BMP2K: variants seen among roughly 807,000 people sequenced by gnomAD.
BMP2K encodes BMP-2-inducible protein kinase.
A neutral mutation model predicts 116.0 loss-of-function variants in BMP2K; 74 were observed. The ratio of observed to expected loss-of-function variants is 0.64; its 90% CI spans 0.53 to 0.77. BMP2K has a LOEUF of 0.77. Ranked by LOEUF, BMP2K falls within the 30% of genes least tolerant of loss-of-function variation. The pLI, the probability that BMP2K is intolerant of heterozygous loss-of-function variation, is 0.00. For missense variants in BMP2K, 1,365 were observed against 1,403.6 expected (o/e 0.97, Z 0.44); for synonymous variants, 486 against 502.5 (o/e 0.97, Z 0.44).
chr4:78,808,289 T>TGA (rs1439988173), intron 1 of BMP2K, among the ~76,000 whole-genome samples: 1 of 143,938 alleles, frequency 6.9e-6, no homozygotes, highest in African/African-American at 2.6e-5. Flanking sequence ...TTTTTGAGAC[T>TGA]GAGTCTCGCT....
chr4:78,856,510 A>AT (rs529553257), intron 7 of BMP2K, among the ~76,000 whole-genome samples: 73 of 151,950 alleles, frequency 4.8e-4, no homozygotes, highest in African/African-American at 1.6e-3. Flanking sequence ...TGCCTTATTG[A>AT]TTTTTTTTCC....
At chr4:78,834,130 G>C (rs1730341194) in intron 3 of BMP2K, among the ~76,000 whole-genome samples, 1 of 151,674 alleles carries the variant, frequency 6.6e-6, no homozygotes, top group African/African-American at 2.4e-5. Context: ...GTAGTCTCTT[G>C]GTGGTGTTTG....
chr4:78,861,431 A>G lies in BMP2K; in HGVS notation c.1030A>G (p.Ser344Gly). 1 of 1,609,508 alleles carries G rather than the reference A, an allele frequency of 6.2e-7. No individual in the cohort carries two copies. ...AGCTCTTCCTGAACCGATGACTGCT[A>G]GTGAAGCAGCTGCTAGGAAAAGCCA... ...PSALPEPMTASEAAARKSQIK... is the reference protein window; with the variant it reads ...PSALPEPMTAGEAAARKSQIK... Residue 344 changes from serine to glycine, a missense_variant, in exon 9 of 16, where the codon AGT becomes GGT. Ser to Gly is a moderately conservative substitution (Grantham distance 56). Coordinates refer to ENST00000502613, the MANE Select transcript of BMP2K (RefSeq NM_198892.2).
chr4:78,842,430 T>G lies in BMP2K; in HGVS notation c.449T>G (p.Phe150Cys). The change falls in exon 4 of 16, where the codon TTT becomes TGT. Residue 150 changes from phenylalanine (F) to cysteine (C), a missense_variant. Coordinates refer to ENST00000502613, the MANE Select transcript of BMP2K (RefSeq NM_198892.2). ...NQMNKKLQTGFTEPEVLQIFC... is the reference protein window; with the variant it reads ...NQMNKKLQTGCTEPEVLQIFC... The stretch of plus-strand genomic sequence containing the variant: ...ATGAATAAGAAGCTACAGACGGGTT[T>G]TACAGAACCAGAAGTGTTACAGATA... The G allele has an allele frequency of 2.5e-6, 4 of 1,607,660 alleles. No homozygotes were observed. Among genetic ancestry groups the G allele is most frequent in the Non-Finnish European group, 3.4e-6 (4 of 1,175,486 alleles).
At chr4:78,828,396 T>G (rs978392726) in intron 2 of BMP2K, among the ~76,000 whole-genome samples, 2 of 152,216 alleles carry the variant, frequency 1.3e-5, no homozygotes, top group Non-Finnish European at 2.9e-5. Flanking sequence ...AACCCTCACA[T>G]ATTCAGCTAT....
At chr4:78,831,917 G>C (rs1730225576) in intron 2 of BMP2K, among the ~76,000 whole-genome samples, 1 of 151,780 alleles carries the variant, frequency 6.6e-6, no homozygotes, top group Non-Finnish European at 1.5e-5. Context: ...CTTTCTCCAT[G>C]GTTTTTTGAG....
intron 12 of BMP2K, chr4:78,872,180 AT>A: frequency 2.5e-6 from 1 of 399,196 alleles, no homozygotes. Context: ...ATGTCATTAT[AT>A]AAGGGAAATG....
chr4:78,823,038 A>G (rs947263101), intron 1 of BMP2K, among the ~76,000 whole-genome samples: 6 of 152,108 alleles, frequency 3.9e-5, no homozygotes, highest in Non-Finnish European at 5.9e-5. Context: ...ATAAACATTT[A>G]TTACATTTTA....
chr4:78,797,952 C>A (rs1333814613), intron 1 of BMP2K, among the ~76,000 whole-genome samples: 1 of 152,016 alleles, frequency 6.6e-6, no homozygotes, highest in African/African-American at 2.4e-5. Context: ...TCATTTGGGA[C>A]CACAGGTGTG....
Position 78,844,909 on chromosome 4 carries a change from TTGA to T in BMP2K, c.547-17_547-15del, listed in dbSNP as rs1730926911. ...TTCACTTTGAAAATACTACTCATTATTGATTTTCTTTTCTTAAGGTAGAAAATA... is the reference window on the plus strand; with the variant it reads ...TTCACTTTGAAAATACTACTCATTATTTTTCTTTTCTTAAGGTAGAAAATA... On this transcript the variant is annotated splice_polypyrimidine_tract_variant and intron_variant, in intron 4 of 15. Coordinates refer to ENST00000502613, the MANE Select transcript of BMP2K (RefSeq NM_198892.2). The T allele has an allele frequency of 1.9e-6, 3 of 1,573,732 alleles. No homozygotes were observed. In the South Asian group the frequency reaches 3.4e-5, roughly 18 times the overall value.
intron 14 of BMP2K, among the ~76,000 whole-genome samples, chr4:78,885,452 A>C (rs1490376504): frequency 1.3e-5 from 2 of 152,184 alleles, no homozygotes; most frequent in South Asian, 2.1e-4. Context: ...TCTACATTTT[A>C]ACAAATCCCC....
Position 78,911,707 on chromosome 4 carries a change from G to C in BMP2K, c.3160G>C (p.Asp1054His). Residue 1054 changes from aspartate to histidine, a missense_variant, in exon 16 of 16, where the codon GAT (aspartate) becomes CAT (histidine). Physicochemically the swap from Asp to His is moderately conservative, Grantham distance 81. Transcript: ENST00000502613. ...TAGTGTTGCACTGACTGATGGGAAAGATAGGGGGAATGTCTTACAACCTGA... is the reference window on the plus strand; with the variant it reads ...TAGTGTTGCACTGACTGATGGGAAACATAGGGGGAATGTCTTACAACCTGA... Reference protein sequence around the residue: ...NISVALTDGKDRGNVLQPEES... With the variant: ...NISVALTDGKHRGNVLQPEES... 6.2e-7 allele frequency: 1 copy of C among 1,613,956 alleles called. No homozygotes were observed.
At chr4:78,828,501 G>C (rs1477526670) in intron 2 of BMP2K, among the ~76,000 whole-genome samples, 1 of 152,114 alleles carries the variant, frequency 6.6e-6, no homozygotes, top group East Asian at 1.9e-4. Flanking sequence ...GACTCTTTCT[G>C]GGGAGAGTTT....
At chr4:78,843,040 A>C (rs1730835639) in intron 4 of BMP2K, among the ~76,000 whole-genome samples, 1 of 151,884 alleles carries the variant, frequency 6.6e-6, no homozygotes, top group African/African-American at 2.4e-5. Context: ...TCTTCTGTGG[A>C]TTCTTGACCT....
intron 1 of BMP2K, among the ~76,000 whole-genome samples, chr4:78,784,078 T>C (rs1727626788): frequency 6.6e-6 from 1 of 151,032 alleles, no homozygotes; most frequent in Admixed American, 6.6e-5. Context: ...TACTAGAAAG[T>C]GAGACGGATG....
intron 4 of BMP2K, among the ~76,000 whole-genome samples, chr4:78,844,534 C>T (rs1480672318): frequency 6.6e-6 from 1 of 151,616 alleles, no homozygotes; most frequent in African/African-American, 2.4e-5. Flanking sequence ...AAGAGAGAAG[C>T]TGGACTCTGC....
At chr4:78,838,391 A>G (rs971763829) in intron 3 of BMP2K, among the ~76,000 whole-genome samples, 1 of 152,170 alleles carries the variant, frequency 6.6e-6, no homozygotes, top group Non-Finnish European at 1.5e-5. Context: ...TAAGGTTACT[A>G]CATGTATTAC....
At position 78,911,197 on chromosome 4, in the gene BMP2K, A is replaced by G; in HGVS notation, c.2650A>G (p.Arg884Gly). ...GAATGAAAAGAACCTCCCTCAACAC[A>G]GGTTTCCTGCTGCAGGACTGGAGCA... The part of the protein sequence containing the change: ...EKNEKNLPQH[R>G]FPAAGLEQEE... Residue 884 changes from arginine to glycine, a missense_variant, in exon 16 of 16, where the codon AGG (arginine) becomes GGG (glycine). Physicochemically the swap from Arg to Gly is moderately radical, Grantham distance 125. Around this residue, in one of 3 missense-constraint regions of BMP2K, gnomAD observed 596 missense variants for 623.2 expected, o/e 0.96. Coordinates refer to ENST00000502613, the MANE Select transcript of BMP2K (RefSeq NM_198892.2). The G allele has an allele frequency of 6.2e-7, 1 of 1,613,768 alleles. No individual in the cohort carries two copies. The highest frequency in any genetic ancestry group is 8.5e-7 in the Non-Finnish European group (1 of 1,179,796).
rs150540818 is a variant in BMP2K, at chr4:78,782,825, G to A, written c.178+6104G>A. Among the ~76,000 whole-genome samples, 97 of 152,296 alleles carry A rather than the reference G, an allele frequency of 6.4e-4. 1 individual carries two copies. The highest frequency in any genetic ancestry group is 2.3e-3 in the African/African-American group (95 of 41,568). ...TTTTTGGATGCTGAGCTTTTTGGGGGTAGAACCAAGGTCTATTCACCTGTG... is the reference window on the plus strand; with the variant it reads ...TTTTTGGATGCTGAGCTTTTTGGGGATAGAACCAAGGTCTATTCACCTGTG... On this transcript the variant is annotated intron_variant, in intron 1 of 15. Coordinates refer to ENST00000502613, the MANE Select transcript of BMP2K (RefSeq NM_198892.2).
Sources: allele counts gnomAD v4.1 joint callset (sites outside exome capture counted in the v4.1 genomes callset), GRCh38; gene constraint gnomAD v4.1.1; regional missense constraint gnomAD v4.1.1; transcripts MANE v1.5; gene names NCBI Gene and HGNC (gene_info 2026-07-23, HGNC 2026-07-21).